Variants in ADAM2 observed in about 807,000 individuals in gnomAD.
ADAM2 encodes disintegrin and metalloproteinase domain-containing protein 2.
Under a neutral mutation model 99.3 loss-of-function variants are expected in ADAM2, and 101 were observed. That is an observed-to-expected ratio of 1.02 (90% CI 0.87 to 1.20). The LOEUF is 1.20. Ranked by LOEUF, ADAM2 falls within the 50% of genes most tolerant of loss-of-function variation. The pLI, the probability that ADAM2 is intolerant of heterozygous loss-of-function variation, is 0.00. For missense variants in ADAM2, 948 were observed against 878.7 expected (o/e 1.08, Z -1.00); for synonymous variants, 323 against 287.6 (o/e 1.12, Z -1.25).
intron 3 of ADAM2, among the ~76,000 whole-genome samples, chr8:39,833,584 C>A (rs1805700511): frequency 2.0e-5 from 3 of 152,022 alleles, no homozygotes; most frequent in South Asian, 4.1e-4. Context: ...TGTCATGATT[C>A]ATGACATCCA....
Position 39,837,196 on chromosome 8 carries a change from AG to A in ADAM2, c.71del (p.Pro24LeufsTer13), listed in dbSNP as rs776760935. The A allele has an allele frequency of 3.1e-6, 5 of 1,608,404 alleles. No homozygotes were observed. The highest frequency in any genetic ancestry group is 3.4e-6 in the Non-Finnish European group (4 of 1,176,756). ...LRMDSNFDSL[P>X]VQITVPEKIR... ...TTTTCTCCGGAACTGTAATTTGCACAGGTAAACTATCAAAATCTGCAAAATG... is the reference window on the plus strand; with the variant it reads ...TTTTCTCCGGAACTGTAATTTGCACAGTAAACTATCAAAATCTGCAAAATG... On this transcript the variant is annotated frameshift_variant, in exon 2 of 21. Transcript: ENST00000265708. LOFTEE classifies it high-confidence loss of function.
chr8:39,783,791 A>G (rs1237177659), intron 10 of ADAM2, among the ~76,000 whole-genome samples: 5 of 151,962 alleles, frequency 3.3e-5, no homozygotes, highest in Non-Finnish European at 7.4e-5. Flanking sequence ...TCTCTACTAA[A>G]AATACAAACA....
At chr8:39,786,503 A>T (rs1379417208) in intron 10 of ADAM2, among the ~76,000 whole-genome samples, 1 of 152,152 alleles carries the variant, frequency 6.6e-6, no homozygotes, top group Non-Finnish European at 1.5e-5. Context: ...ATACACTAAC[A>T]TTCTCTACTA....
At chr8:39,836,603 T>C (rs1805835075) in intron 2 of ADAM2, among the ~76,000 whole-genome samples, 1 of 151,996 alleles carries the variant, frequency 6.6e-6, no homozygotes, top group Middle Eastern at 3.4e-3. Context: ...TAGAACTTAG[T>C]GAAAATGATA....
intron 5 of ADAM2, among the ~76,000 whole-genome samples, chr8:39,821,383 T>C (rs186472049): frequency 6.6e-6 from 1 of 152,308 alleles, no homozygotes; most frequent in African/African-American, 2.4e-5. Context: ...TAATATTTCA[T>C]GGCTTCCAAA....
At chr8:39,795,052 A>G (rs1377522505) in intron 7 of ADAM2, among the ~76,000 whole-genome samples, 1 of 152,144 alleles carries the variant, frequency 6.6e-6, no homozygotes, top group East Asian at 1.9e-4. Flanking sequence ...CTAAAAAAAA[A>G]TCTCCCTAAA....
intron 3 of ADAM2, among the ~76,000 whole-genome samples, chr8:39,826,768 T>C (rs1563383829): frequency 6.6e-6 from 1 of 150,550 alleles, no homozygotes; most frequent in Non-Finnish European, 1.5e-5. Context: ...AACTTAACCA[T>C]AATAGTTATG....
At chr8:39,745,307 T>C (rs1042362226) in intron 19 of ADAM2, among the ~76,000 whole-genome samples, 1 of 152,180 alleles carries the variant, frequency 6.6e-6, no homozygotes. Flanking sequence ...ACCACTTTAG[T>C]ATATTTAAAT....
At chr8:39,754,413 A>G (rs942054058) in intron 16 of ADAM2, among the ~76,000 whole-genome samples, 1 of 152,224 alleles carries the variant, frequency 6.6e-6, no homozygotes, top group Non-Finnish European at 1.5e-5. Flanking sequence ...CCAACGATTT[A>G]AGCCACTCTT....
At chr8:39,778,202 T>G (rs2129584750) in intron 10 of ADAM2, among the ~76,000 whole-genome samples, 1 of 151,976 alleles carries the variant, frequency 6.6e-6, no homozygotes, top group South Asian at 2.1e-4. Flanking sequence ...CTACTAACAT[T>G]TTGATGAATA....
intron 7 of ADAM2, among the ~76,000 whole-genome samples, chr8:39,798,000 T>C (rs1804040868): frequency 6.6e-6 from 1 of 152,134 alleles, no homozygotes; most frequent in Non-Finnish European, 1.5e-5. Context: ...ACAACTTCAC[T>C]TACTCTCTTT....
chr8:39,756,770 A>G (rs1802165977), intron 15 of ADAM2, among the ~76,000 whole-genome samples: 2 of 152,212 alleles, frequency 1.3e-5, no homozygotes, highest in African/African-American at 2.4e-5. Context: ...GAGTTGATAA[A>G]AGCTGTTCTG....
At chr8:39,781,129 A>G (rs1803212087) in intron 10 of ADAM2, among the ~76,000 whole-genome samples, 2 of 151,618 alleles carry the variant, frequency 1.3e-5, no homozygotes, top group Admixed American at 6.6e-5. Context: ...TGGATTTGAT[A>G]CAGTTTCATA....
intron 15 of ADAM2, among the ~76,000 whole-genome samples, chr8:39,760,725 AT>A (rs1802325266): frequency 7.1e-6 from 1 of 140,918 alleles, no homozygotes; most frequent in Non-Finnish European, 1.5e-5. Flanking sequence ...CTTCAAAAAA[AT>A]AAAATAAAAA....
chr8:39,811,842 G>A (rs545208321), intron 6 of ADAM2, among the ~76,000 whole-genome samples: 1 of 152,270 alleles, frequency 6.6e-6, no homozygotes, highest in African/African-American at 2.4e-5. Flanking sequence ...GCAAAAACTG[G>A]AAGCATTCCC....
intron 3 of ADAM2, among the ~76,000 whole-genome samples, chr8:39,829,371 A>G (rs1384324400): frequency 6.6e-6 from 1 of 152,006 alleles, no homozygotes; most frequent in African/African-American, 2.4e-5. Context: ...CACAGGGGAG[A>G]AATTCCATAT....
chr8:39,811,730 C>A (rs186188636), intron 6 of ADAM2, among the ~76,000 whole-genome samples: 1 of 152,298 alleles, frequency 6.6e-6, no homozygotes, highest in African/African-American at 2.4e-5. Context: ...TTCAACAGCG[C>A]TTCAGGCTAA....
chr8:39,788,000 T>A lies in ADAM2; in HGVS notation c.809+85A>T, dbSNP rs964693240. 3.3e-5 allele frequency: 30 copies of A among 901,456 alleles called. No individual in the cohort carries two copies. The East Asian group carries it at 8.9e-4, about 27-fold the overall frequency. 55.8% of individuals were successfully genotyped at this position (901,456 alleles called of 1,614,324 possible). A position where few individuals can be genotyped will look rare whatever the true frequency, so the allele number is the denominator to read the frequency against. ...GTGAGAAAAAAATAGATTTTTTTAA[T>A]ACACATTTATCAACAGTAAGATATT... On this transcript the variant is annotated intron_variant, in intron 9 of 20. Coordinates refer to ENST00000265708, the MANE Select transcript of ADAM2 (RefSeq NM_001464.5).
chr8:39,788,792 A>G (rs1803582525), intron 7 of ADAM2, 52 bp from the exon 8 acceptor site: 2 of 948,136 alleles, frequency 2.1e-6, no homozygotes, highest in Non-Finnish European at 3.0e-6. Context: ...TTAACATTTA[A>G]TGATTGTTAT....
Sources: gnomAD v4.1 joint callset for allele counts (sites outside exome capture counted in the v4.1 genomes callset) on GRCh38, gnomAD v4.1.1 for gene constraint, MANE v1.5 for transcripts, NCBI Gene and HGNC (gene_info 2026-07-23, HGNC 2026-07-21) for gene names.